The following GLI2 variants were observed in gnomAD, a reference collection of about 807,000 sequenced individuals.
GLI2 encodes transcription activator GLI2.
A neutral mutation model predicts 78.9 loss-of-function variants in GLI2; 22 were observed. That is an observed-to-expected ratio of 0.28 (90% CI 0.20 to 0.40). GLI2 has a LOEUF of 0.40. Ranked by LOEUF, GLI2 falls within the 10% of genes least tolerant of loss-of-function variation. The pLI is 1.00. For synonymous variants in GLI2, 974 were observed against 963.7 expected (o/e 1.01, Z -0.20); for missense variants, 2,097 against 2,213.2 (o/e 0.95, Z 1.05).
At chr2:120,973,310 G>T (rs1343561636) in intron 8 of GLI2, among the ~76,000 whole-genome samples, 2 of 152,206 alleles carry the variant, frequency 1.3e-5, no homozygotes, top group African/African-American at 4.8e-5. Flanking sequence ...AAACACGCCA[G>T]AAAGGCAAGG....
chr2:120,771,698 CT>C (rs1449224453), intron 1 of GLI2, among the ~76,000 whole-genome samples: 1 of 152,202 alleles, frequency 6.6e-6, no homozygotes, highest in Non-Finnish European at 1.5e-5. Flanking sequence ...TGATGCAGAC[CT>C]TGTGGCCACA....
Position 120,927,387 on chromosome 2 carries a change from C to T in GLI2, c.175C>T (p.His59Tyr). Residue 59 changes from histidine (H) to tyrosine (Y), a missense_variant, in exon 3 of 14, where the codon CAT (histidine) becomes TAT (tyrosine). Physicochemically the swap from His to Tyr is moderately conservative, Grantham distance 83 (BLOSUM62 2). Coordinates refer to ENST00000361492, the MANE Select transcript of GLI2 (RefSeq NM_001374353.1). ...GVPQHLLPPF[H>Y]APLPIDMRHQ... is the part of the protein sequence containing the mutation. ...GCCGCAGCATCTCTTGCCACCATTC[C>T]ATGCGCCCCTACCGATTGACATGCG... 1 of 1,613,900 alleles carries T rather than the reference C, an allele frequency of 6.2e-7. No homozygotes were observed. The highest frequency in any genetic ancestry group is 8.5e-7 in the Non-Finnish European group (1 of 1,179,740).
chr2:120,931,899 C>T (rs1679960673), intron 3 of GLI2, among the ~76,000 whole-genome samples: 1 of 152,200 alleles, frequency 6.6e-6, no homozygotes, highest in Non-Finnish European at 1.5e-5. Flanking sequence ...AGCCCCCCGT[C>T]CCTACGCGGT....
intron 1 of GLI2, among the ~76,000 whole-genome samples, chr2:120,776,787 A>G (rs903337568): frequency 3.3e-5 from 5 of 152,156 alleles, no homozygotes; most frequent in African/African-American, 9.7e-5. Flanking sequence ...CGTTCTCCCA[A>G]GAGGAGCCAG....
In GLI2 at chr2:120,982,443, CAT is replaced by C. The variant is rs10595005; in HGVS notation, c.1468-272_1468-271del. On this transcript the variant is annotated intron_variant, in intron 10 of 13. Transcript: ENST00000361492. ...ATGTTCCCAATTTTGGTTTTAAAGACATGTGGAGATGAATTGCAGACTCACCA... is the reference window on the plus strand; with the variant it reads ...ATGTTCCCAATTTTGGTTTTAAAGACGTGGAGATGAATTGCAGACTCACCA... Among the ~76,000 whole-genome samples the C allele has an allele frequency of 0.27, 41,535 of 151,974 alleles. 5,947 individuals carry two copies. The highest frequency in any genetic ancestry group is 0.48 in the East Asian group (2,479 of 5,146).
chr2:120,851,793 G>T (rs1687418691), intron 2 of GLI2, among the ~76,000 whole-genome samples: 2 of 152,242 alleles, frequency 1.3e-5, no homozygotes, highest in African/African-American at 2.4e-5. Context: ...CAACACACAG[G>T]TGAAACACTT....
chr2:120,877,922 C>T (rs1366183004), intron 2 of GLI2, among the ~76,000 whole-genome samples: 1 of 152,166 alleles, frequency 6.6e-6, no homozygotes, highest in African/African-American at 2.4e-5. Flanking sequence ...CACATGTGGT[C>T]AGCTCTGATA....
rs916472361 is a variant in GLI2, at chr2:120,737,415, C to A, written c.-31+1130C>A. The stretch of plus-strand genomic sequence containing the variant: ...TGAGGCTCTCGGGGACCTCGAGCCC[C>A]CCCGAGGGTGCCTCTTTCCACTACC... On this transcript the variant is annotated intron_variant, in intron 1 of 13. Transcript: ENST00000361492. The surrounding 1 kb of genome is among the most constrained non-coding windows in gnomAD (Gnocchi z 4.3). 1.3e-5 allele frequency among the ~76,000 whole-genome samples: 2 copies of A among 152,206 alleles called. No individual in the cohort carries two copies. Among genetic ancestry groups the A allele is most frequent in the African/African-American group, 4.8e-5 (2 of 41,468 alleles).
chr2:120,976,833 T>G (rs1451660112), intron 9 of GLI2, among the ~76,000 whole-genome samples: 3 of 152,204 alleles, frequency 2.0e-5, no homozygotes, highest in African/African-American at 7.2e-5. Flanking sequence ...TGTCTGTCTC[T>G]CTCTGTTTCT....
chr2:120,749,624 C>A (rs191667534), intron 1 of GLI2, among the ~76,000 whole-genome samples: 1 of 152,270 alleles, frequency 6.6e-6, no homozygotes, highest in Admixed American at 6.5e-5. Flanking sequence ...CAGGACAGAT[C>A]TTTTCTAGGA....
intron 5 of GLI2, among the ~76,000 whole-genome samples, chr2:120,962,844 G>A (rs929131280): frequency 1.3e-5 from 2 of 152,182 alleles, no homozygotes; most frequent in African/African-American, 2.4e-5. Flanking sequence ...AATATTAGCG[G>A]CAGATTCTTT....
chr2:120,832,739 A>G (rs751381429), intron 2 of GLI2, among the ~76,000 whole-genome samples: 1 of 152,112 alleles, frequency 6.6e-6, no homozygotes, highest in Non-Finnish European at 1.5e-5. Flanking sequence ...CTTTCCCTGC[A>G]GGCTGTGTGA....
intron 2 of GLI2, among the ~76,000 whole-genome samples, chr2:120,825,627 A>G (rs958887001): frequency 4.0e-5 from 6 of 151,066 alleles, no homozygotes; most frequent in African/African-American, 1.5e-4. Context: ...CATGCACCTG[A>G]CTGTGAGCGT....
chr2:120,866,116 C>T (rs4848645), intron 2 of GLI2, among the ~76,000 whole-genome samples: 1 of 152,180 alleles, frequency 6.6e-6, no homozygotes, highest in African/African-American at 2.4e-5. Flanking sequence ...CATAGCCCCC[C>T]GCCTCCTGCA....
chr2:120,978,436 C>T lies in GLI2; in HGVS notation c.1320C>T (p.His440=). 1 of 1,614,170 alleles carries T rather than the reference C, an allele frequency of 6.2e-7. No individual in the cohort carries two copies. The highest frequency in any genetic ancestry group is 8.5e-7 in the Non-Finnish European group (1 of 1,180,026). Residue 440 remains histidine, a splice_region_variant and synonymous_variant, in exon 10 of 14, where the codon CAC becomes CAT. Transcript: ENST00000361492. ...TTCTGGGCATGTCCCTCCGGCAGCA[C>T]ATCAACAACGAGCACATCCACGGGG... ...EYDTQEQLVH[H]INNEHIHGEK...
At chr2:120,945,957 T>TCACACACACACACACACACACACACACA (rs3223143) in intron 3 of GLI2, among the ~76,000 whole-genome samples, 71 of 134,252 alleles carry the variant, frequency 5.3e-4, no homozygotes, top group Non-Finnish European at 8.2e-4. Flanking sequence ...CATAACCTTC[T>TCACACACACACACACACACACACACACA]CACACACACA....
At position 120,986,371 on chromosome 2, in the gene GLI2, C is replaced by T. The variant is rs760198344; in HGVS notation, c.1999C>T (p.Pro667Ser). The T allele has an allele frequency of 6.2e-7, 1 of 1,613,526 alleles. No individual in the cohort carries two copies. Among genetic ancestry groups the T allele is most frequent in the South Asian group, 1.1e-5 (1 of 91,060 alleles). Reference sequence around the variant, plus strand: ...CAACAATGACAGTGGCGTGGAGATGCCGGGGACGGGGCCCGGGAGCCTGGG... The same window carrying T: ...CAACAATGACAGTGGCGTGGAGATGTCGGGGACGGGGCCCGGGAGCCTGGG... ...APNNDSGVEM[P>S]GTGPGSLGDL... The change falls in exon 13 of 14, where the codon CCG (proline) becomes TCG (serine). Residue 667 changes from proline (P) to serine (S), a missense_variant. Physicochemically the swap from Pro to Ser is moderately conservative, Grantham distance 74. Around this residue, in one of 5 missense-constraint regions of GLI2, gnomAD observed 68 missense variants for 104.4 expected, o/e 0.65. Transcript: ENST00000361492.
chr2:120,915,630 G>A (rs745517685), intron 2 of GLI2, among the ~76,000 whole-genome samples: 10 of 152,186 alleles, frequency 6.6e-5, no homozygotes, highest in East Asian at 1.9e-4. Context: ...CAGTGACTTC[G>A]TCCTCATTTG....
Position 120,749,191 on chromosome 2 carries a change from G to A in GLI2, c.-31+12906G>A, listed in dbSNP as rs549223729. ...TTGTCTGTTTATTTGTGCTTAACAC[G>A]TGTTTGTTTATAAATGAATTTTGGG... On this transcript the variant is annotated intron_variant, in intron 1 of 13. Transcript: ENST00000361492. Among the ~76,000 whole-genome samples the A allele has an allele frequency of 2.0e-5, 3 of 152,138 alleles. No individual in the cohort carries two copies. The East Asian group carries it at 5.8e-4, about 29-fold the overall frequency.
Sources: gnomAD v4.1 joint callset for allele counts (sites outside exome capture counted in the v4.1 genomes callset) on GRCh38, gnomAD v4.1.1 for gene constraint, gnomAD v4.1.1 regional missense constraint, Gnocchi (gnomAD v3.1) non-coding constraint, MANE v1.5 for transcripts, NCBI Gene and HGNC (gene_info 2026-07-23, HGNC 2026-07-21) for gene names.